The following CCDC51 variants were observed in gnomAD, a reference collection of about 807,000 sequenced individuals.
CCDC51 encodes mitochondrial potassium channel.
Under a neutral mutation model 24.8 loss-of-function variants are expected in CCDC51, and 25 were observed. The ratio of observed to expected loss-of-function variants is 1.01; its 90% CI spans 0.73 to 1.41. The LOEUF (loss-of-function observed/expected upper bound fraction) is 1.41, where lower values mean the gene tolerates loss of function less well. Ranked by LOEUF, CCDC51 falls within the 40% of genes most tolerant of loss-of-function variation. The probability of loss-of-function intolerance (pLI) is 0.00; values close to 1 mark genes in which losing one functional copy is unlikely to be tolerated. For synonymous variants in CCDC51, 190 were observed against 204.3 expected (o/e 0.93, Z 0.60); for missense variants, 466 against 519.1 (o/e 0.90, Z 0.99).
chr3:48,440,292 G>A, upstream of CCDC51: 3 of 1,604,414 alleles, frequency 1.9e-6, no homozygotes, highest in Non-Finnish European at 2.6e-6. Context: ...GCGGCGGCAG[G>A]CGCCATGTCC....
At chr3:48,446,611 T>C in the CCDC51 span, 1 of 411,324 alleles carries the variant, frequency 2.4e-6, no homozygotes, top group East Asian at 4.2e-5. Context: ...GCAGCAAACC[T>C]GCCGAATCCC....
Position 48,433,242 on chromosome 3 carries a change from TC to T in CCDC51, c.478-77del. 7.2e-7 allele frequency: 1 copy of T among 1,398,370 alleles called. No individual in the cohort carries two copies. The highest frequency in any genetic ancestry group is 9.9e-7 in the Non-Finnish European group (1 of 1,012,844). The allele number at this position is 1,398,370 out of a possible 1,614,324, so 86.6% of individuals were successfully genotyped here. ...GCAGCTATAGCCACCAGCAGATGGCTCACTACCTTGTGCCTGGCAGAGTACA... is the reference window on the plus strand; with the variant it reads ...GCAGCTATAGCCACCAGCAGATGGCTACTACCTTGTGCCTGGCAGAGTACA... On this transcript the variant is annotated intron_variant, in intron 3 of 3. Coordinates refer to ENST00000395694, the MANE Select transcript of CCDC51 (RefSeq NM_001256964.2). The surrounding 1 kb of genome is among the most constrained non-coding windows in gnomAD (Gnocchi z 4.4).
Position 48,433,213 on chromosome 3 carries a change from C to A in CCDC51, c.478-47G>T. 6.3e-7 allele frequency: 1 copy of A among 1,575,102 alleles called. No homozygotes were observed. Among genetic ancestry groups the A allele is most frequent in the Non-Finnish European group, 8.6e-7 (1 of 1,157,484 alleles). On this transcript the variant is annotated intron_variant, in intron 3 of 3. Coordinates refer to ENST00000395694, the MANE Select transcript of CCDC51 (RefSeq NM_001256964.2). The surrounding 1 kb of genome is among the most constrained non-coding windows in gnomAD (Gnocchi z 4.4). ...ATTGGATTACATGGGCACAAGGTGGCCCTGCAGCTATAGCCACCAGCAGAT... is the reference window on the plus strand; with the variant it reads ...ATTGGATTACATGGGCACAAGGTGGACCTGCAGCTATAGCCACCAGCAGAT...
At chr3:48,439,459 C>A (rs1348602269) in intron 1 of CCDC51, among the ~76,000 whole-genome samples, 4 of 152,202 alleles carry the variant, frequency 2.6e-5, no homozygotes, top group Non-Finnish European at 5.9e-5. Flanking sequence ...TGGCGAAACC[C>A]CGTCTCTACT....
At chr3:48,443,276 G>A (rs1453544918), upstream of CCDC51, among the ~76,000 whole-genome samples, 2 of 149,818 alleles carry the variant, frequency 1.3e-5, no homozygotes, top group South Asian at 2.1e-4. Context: ...TGCTGGGGTC[G>A]GTGGCTCACA....
At chr3:48,444,018 T>G, upstream of CCDC51, 1 of 646,012 alleles carries the variant, frequency 1.5e-6, no homozygotes, top group Non-Finnish European at 2.3e-6. Context: ...CATTTAAGAA[T>G]AAACTTTTGT....
chr3:48,440,729 G>C, upstream of CCDC51: 1 of 1,093,328 alleles, frequency 9.1e-7, no homozygotes, highest in Non-Finnish European at 1.3e-6. Flanking sequence ...GAACTGCGAG[G>C]TCTCGTTTTC....
At position 48,433,779 on chromosome 3, in the gene CCDC51, G is replaced by A; in HGVS notation, c.405C>T (p.Asp135=). The A allele has an allele frequency of 6.2e-7, 1 of 1,614,044 alleles. No individual in the cohort carries two copies. The highest frequency in any genetic ancestry group is 8.5e-7 in the Non-Finnish European group (1 of 1,180,006). The part of the protein sequence containing the change: ...VHQAKLKEVR[D]RLDRVSREDS... ...CCTCCCTGGAGACACGGTCCAAGCG[G>A]TCCCTCACCTCCTTCAGCTTGGCCT... The change falls in exon 3 of 4, where the codon GAC becomes GAT. Residue 135 remains aspartate (D), a synonymous_variant. Coordinates refer to ENST00000395694, the MANE Select transcript of CCDC51 (RefSeq NM_001256964.2). The surrounding 1 kb of genome is among the most constrained non-coding windows in gnomAD (Gnocchi z 4.4).
intron 2 of CCDC51, among the ~76,000 whole-genome samples, chr3:48,434,436 C>A (rs1231457685): frequency 1.3e-5 from 2 of 152,246 alleles, no homozygotes; most frequent in Non-Finnish European, 2.9e-5. Flanking sequence ...ACCACCAGCT[C>A]TTTCCACCTC....
upstream of CCDC51, chr3:48,443,852 A>T: frequency 6.4e-7 from 1 of 1,560,340 alleles, no homozygotes; most frequent in Non-Finnish European, 8.6e-7. Flanking sequence ...TTGCAGCCAC[A>T]GGTGGAATTA....
upstream of CCDC51, chr3:48,440,895 C>T (rs1008132448): frequency 2.4e-5 from 13 of 542,376 alleles, no homozygotes; most frequent in Middle Eastern, 4.8e-4. Context: ...ATGTATTTAC[C>T]TCAGACGCAG....
chr3:48,433,879 G>C lies in CCDC51; in HGVS notation c.313-8C>G. 6.2e-7 allele frequency: 1 copy of C among 1,611,420 alleles called. No homozygotes were observed. Among genetic ancestry groups the C allele is most frequent in the Non-Finnish European group, 8.5e-7 (1 of 1,178,454 alleles). On this transcript the variant is annotated splice_region_variant and splice_polypyrimidine_tract_variant and intron_variant, in intron 2 of 3. Transcript: ENST00000395694. This position sits in a 1 kb window ranked among gnomAD's most constrained non-coding sequence, Gnocchi z 4.4. ...CATGAACACTTTCTCAGCCTGCAAA[G>C]AGAAAACCGGAGGCCATCTGCACCT...
chr3:48,440,990 CCTTA>C (rs2039548032), upstream of CCDC51: 1 of 320,980 alleles, frequency 3.1e-6, no homozygotes, highest in Non-Finnish European at 5.8e-6. Flanking sequence ...AGTGTTTGAA[CCTTA>C]CTTGACTTAG....
upstream of CCDC51, chr3:48,443,884 C>T: frequency 6.4e-7 from 1 of 1,555,088 alleles, no homozygotes; most frequent in Non-Finnish European, 8.6e-7. Flanking sequence ...AAAAAGTAAG[C>T]TGTTCCTTGT....
Position 48,435,085 on chromosome 3 carries a change from C to T in CCDC51, c.44G>A (p.Gly15Asp). The T allele has an allele frequency of 1.9e-6, 3 of 1,608,306 alleles. No homozygotes were observed. The highest frequency in any genetic ancestry group is 2.5e-6 in the Non-Finnish European group (3 of 1,177,036). Residue 15 changes from glycine to aspartate, a missense_variant, in exon 2 of 4, where the codon GGT (glycine) becomes GAT (aspartate). Transcript: ENST00000395694. This position sits in a 1 kb window ranked among gnomAD's most constrained non-coding sequence, Gnocchi z 4.2. ...SPGFAMQHIVGVPHVLVRRGL... is the reference protein window; with the variant it reads ...SPGFAMQHIVDVPHVLVRRGL... ...CCTCCGAACCAGTACGTGGGGCACA[C>T]CCACGATGTGCTGCATGGCAAACCC...
chr3:48,441,828 G>C (rs533720094), upstream of CCDC51, among the ~76,000 whole-genome samples: 147 of 152,338 alleles, frequency 9.6e-4, no homozygotes, highest in African/African-American at 3.5e-3. Context: ...TGGAGACAAG[G>C]ATGGTGGGAG....
chr3:48,446,624 C>T, the CCDC51 span: 2 of 447,474 alleles, frequency 4.5e-6, no homozygotes, highest in African/African-American at 2.1e-5. Flanking sequence ...CGAATCCCGC[C>T]CGTGGACCTC....
At chr3:48,440,140 C>A (rs2039518269), upstream of CCDC51, 3 of 1,253,866 alleles carry the variant, frequency 2.4e-6, no homozygotes, top group Non-Finnish European at 2.2e-6. Context: ...TGACCTCTGA[C>A]CTGTTAGTAC....
At chr3:48,436,128 A>C (rs556683959) in intron 1 of CCDC51, among the ~76,000 whole-genome samples, 1 of 152,086 alleles carries the variant, frequency 6.6e-6, no homozygotes, top group South Asian at 2.1e-4. Context: ...AGCCAACAGC[A>C]CCCTCCTCTG....
Sources: gnomAD v4.1 joint callset for allele counts (sites outside exome capture counted in the v4.1 genomes callset) on GRCh38, gnomAD v4.1.1 for gene constraint, Gnocchi (gnomAD v3.1) non-coding constraint, MANE v1.5 for transcripts, NCBI Gene and HGNC (gene_info 2026-07-23, HGNC 2026-07-21) for gene names.